OR2L13: variants seen among roughly 807,000 people sequenced by gnomAD.
OR2L13 encodes olfactory receptor 2L13.
A neutral mutation model predicts 15.3 loss-of-function variants in OR2L13; 14 were observed. The ratio of observed to expected loss-of-function variants is 0.91; its 90% CI spans 0.60 to 1.43. OR2L13 has a LOEUF of 1.43. Among genes scored for constraint, OR2L13 ranks in the 40% most tolerant of loss-of-function variants. The pLI, the probability that OR2L13 is intolerant of heterozygous loss-of-function variation, is 0.00. For synonymous variants in OR2L13, 152 were observed against 142.9 expected (o/e 1.06, Z -0.45); for missense variants, 367 against 387.9 (o/e 0.95, Z 0.45).
At chr1:248,065,224 T>G in the OR2L13 span, among the ~76,000 whole-genome samples, 3 of 152,192 alleles carry the variant, frequency 2.0e-5, no homozygotes, top group Non-Finnish European at 4.4e-5. Flanking sequence ...TATTTTTCAC[T>G]TCACAGTCAT....
the OR2L13 span, among the ~76,000 whole-genome samples, chr1:247,940,052 C>T: frequency 3.9e-5 from 6 of 152,130 alleles, no homozygotes; most frequent in African/African-American, 1.4e-4. Context: ...TCTACAACTC[C>T]ACTTGAAATT....
chr1:248,048,921 C>CTTTTTTTTTTTTTTTT, the OR2L13 span, among the ~76,000 whole-genome samples: 2 of 141,958 alleles, frequency 1.4e-5, 1 homozygote, highest in African/African-American at 5.7e-5. Context: ...TTTTCTCTCT[C>CTTTTTTTTTTTTTTTT]TCTTTTTTTT....
chr1:248,040,988 A>G, the OR2L13 span: 8 of 152,332 alleles, frequency 5.3e-5, no homozygotes, highest in African/African-American at 1.7e-4. Context: ...AGAATGGCAA[A>G]TGTTTATGAC....
At chr1:247,977,452 T>C in the OR2L13 span, among the ~76,000 whole-genome samples, 1 of 152,222 alleles carries the variant, frequency 6.6e-6, no homozygotes, top group South Asian at 2.1e-4. Flanking sequence ...GCAATAGTCA[T>C]GGGAATGATT....
At chr1:247,978,444 A>T in the OR2L13 span, among the ~76,000 whole-genome samples, 5 of 152,118 alleles carry the variant, frequency 3.3e-5, no homozygotes, top group African/African-American at 4.8e-5. Context: ...AATGGTTATC[A>T]CTTGAATCTT....
the OR2L13 span, among the ~76,000 whole-genome samples, chr1:247,994,470 T>TTC: frequency 6.6e-6 from 1 of 152,184 alleles, no homozygotes; most frequent in South Asian, 2.1e-4. Context: ...AAGTCTTGGT[T>TTC]TCTCTTCTTT....
At chr1:247,953,472 ATTCT>A in the OR2L13 span, among the ~76,000 whole-genome samples, 1 of 152,170 alleles carries the variant, frequency 6.6e-6, no homozygotes, top group Non-Finnish European at 1.5e-5. Context: ...GGACATGAGT[ATTCT>A]TTCTATTTTA....
chr1:248,045,579 G>A, the OR2L13 span, among the ~76,000 whole-genome samples: 1 of 152,190 alleles, frequency 6.6e-6, no homozygotes, highest in South Asian at 2.1e-4. Flanking sequence ...TGTGAAAACA[G>A]TTACCTGGTT....
chr1:247,995,933 C>T, the OR2L13 span, among the ~76,000 whole-genome samples: 1 of 152,202 alleles, frequency 6.6e-6, no homozygotes, highest in Admixed American at 6.5e-5. Context: ...GAGAAACTGA[C>T]TCAGTGCAGG....
At chr1:248,079,513 A>G in the OR2L13 span, among the ~76,000 whole-genome samples, 1 of 152,170 alleles carries the variant, frequency 6.6e-6, no homozygotes, top group East Asian at 1.9e-4. Context: ...AAAAAGAAAG[A>G]AAAAGAACAA....
chr1:248,098,027 T>C (rs6703679), intron 1 of OR2L13, among the ~76,000 whole-genome samples: 21,478 of 152,188 alleles, frequency 0.14, 2,719 homozygotes, highest in African/African-American at 0.34. Flanking sequence ...TTCTTACTGA[T>C]AGAATGAAGC....
chr1:247,995,786 C>T, the OR2L13 span, among the ~76,000 whole-genome samples: 1 of 152,010 alleles, frequency 6.6e-6, no homozygotes, highest in Non-Finnish European at 1.5e-5. Context: ...TCCTTGTCAC[C>T]AGGTCCTCAC....
upstream of OR2L13, among the ~76,000 whole-genome samples, chr1:248,094,938 G>T (rs1291097968): frequency 1.3e-5 from 2 of 152,096 alleles, no homozygotes; most frequent in East Asian, 3.9e-4. Flanking sequence ...ATCATGTACT[G>T]GAATATTAAA....
chr1:247,946,195 A>G, the OR2L13 span, among the ~76,000 whole-genome samples: 1 of 152,122 alleles, frequency 6.6e-6, no homozygotes, highest in South Asian at 2.1e-4. Context: ...GCTGTTGTTG[A>G]TGTTACATCC....
chr1:248,035,399 A>G, the OR2L13 span, among the ~76,000 whole-genome samples: 3 of 152,094 alleles, frequency 2.0e-5, no homozygotes. Context: ...CAGTGAGCCG[A>G]GATCGCGCCA....
the OR2L13 span, among the ~76,000 whole-genome samples, chr1:248,006,662 T>A: frequency 6.6e-6 from 1 of 152,068 alleles, no homozygotes; most frequent in Admixed American, 6.5e-5. Flanking sequence ...GTGATAATAT[T>A]AGGAGTTGGG....
At chr1:248,096,214 T>C (rs1664737248), upstream of OR2L13, among the ~76,000 whole-genome samples, 1 of 151,598 alleles carries the variant, frequency 6.6e-6, no homozygotes, top group African/African-American at 2.4e-5. Flanking sequence ...CGGTCTCTAC[T>C]GAAAATACAA....
upstream of OR2L13, among the ~76,000 whole-genome samples, chr1:248,090,277 C>T (rs1664563545): frequency 6.6e-6 from 1 of 152,002 alleles, no homozygotes; most frequent in South Asian, 2.1e-4. Flanking sequence ...CAGAAGCTCC[C>T]TGAACCCTTT....
chr1:247,993,006 C>G, the OR2L13 span, among the ~76,000 whole-genome samples: 1 of 151,888 alleles, frequency 6.6e-6, no homozygotes, highest in Non-Finnish European at 1.5e-5. Flanking sequence ...ATAAGAATTC[C>G]CTTTTCTCTG....
Sources: allele counts gnomAD v4.1 joint callset (sites outside exome capture counted in the v4.1 genomes callset), GRCh38; gene constraint gnomAD v4.1.1; transcripts MANE v1.5; gene names NCBI Gene and HGNC (gene_info 2026-07-23, HGNC 2026-07-21).